MATK: variants seen among roughly 807,000 people sequenced by gnomAD.
The protein encoded by MATK is megakaryocyte-associated tyrosine-protein kinase.
Under a neutral mutation model 59.8 loss-of-function variants are expected in MATK, and 41 were observed. That is an observed-to-expected ratio of 0.69 (90% CI 0.53 to 0.89). The LOEUF (loss-of-function observed/expected upper bound fraction) is 0.89, where lower values mean the gene tolerates loss of function less well. MATK is among the 40% of genes least tolerant of loss of function. The probability of loss-of-function intolerance (pLI) is 0.00; values close to 1 mark genes in which losing one functional copy is unlikely to be tolerated. For missense variants in MATK, 593 were observed against 719.6 expected, an observed-to-expected ratio of 0.82 and a Z score of 2.01; for synonymous variants, 308 against 306.1, an observed-to-expected ratio of 1.01 and a Z score of -0.06.
At chr19:3,786,390 C>T (rs2037485114), upstream of MATK, 1 of 981,330 alleles carries the variant, frequency 1.0e-6, no homozygotes, top group Admixed American at 6.3e-5. This position sits in a 1 kb window ranked among gnomAD's most constrained non-coding sequence, Gnocchi z 4.1. Context: ...CTGCGGTCTC[C>T]TCCGCGCGCC....
At chr19:3,785,371 G>A (rs1428863658) in intron 1 of MATK, 85 bp from the exon 2 acceptor site, 1 of 916,298 alleles carries the variant, frequency 1.1e-6, no homozygotes, top group Non-Finnish European at 1.6e-6. Flanking sequence ...GTGGAGCTGG[G>A]GGCAGGGGCG....
chr19:3,787,958 T>C (rs1396500811), upstream of MATK, among the ~76,000 whole-genome samples: 1 of 151,210 alleles, frequency 6.6e-6, no homozygotes, highest in East Asian at 1.9e-4. Context: ...GCTGGGGGTC[T>C]CTCTGTGTTG....
In MATK at chr19:3,778,537, G is replaced by C; in HGVS notation, c.1256C>G (p.Ser419Ter). The change falls in exon 13 of 14, where the codon TCA (serine) becomes TGA (stop). Residue 419 changes from serine (S) to a stop codon, truncating the protein, a stop_gained. Transcript: ENST00000310132. LOFTEE classifies it low-confidence loss of function (END_TRUNC). ...SFGVLLWEVF[S>*]YGRAPYPKMS... is the part of the protein sequence containing the mutation. The stretch of plus-strand genomic sequence containing the variant: ...TTTAGGGTACGGAGCCCGTCCATAT[G>C]AGAAGACCTCCCAGAGCAGCACCCC... The C allele has an allele frequency of 6.2e-7, 1 of 1,613,922 alleles. No homozygotes were observed. The highest frequency in any genetic ancestry group is 8.5e-7 in the Non-Finnish European group (1 of 1,179,968).
rs769269123 is a variant in MATK, at chr19:3,779,423, C to T, written c.956G>A (p.Arg319Gln). The T allele has an allele frequency of 1.4e-5, 22 of 1,613,266 alleles. No individual in the cohort carries two copies. The highest frequency in any genetic ancestry group is 1.8e-5 in the Non-Finnish European group (21 of 1,179,998). Residue 319 changes from arginine to glutamine, a missense_variant, in exon 11 of 14, where the codon CGG becomes CAG. Physicochemically the swap from Arg to Gln is conservative, Grantham distance 43. Coordinates refer to ENST00000310132, the MANE Select transcript of MATK (RefSeq NM_139355.3). ...AGCGGTGTTCACGAGGGCTCGACCC[C>T]GGGTCCGCAGAAAGTTCACCAGGTT... The part of the protein sequence containing the change: ...KGNLVNFLRT[R>Q]GRALVNTAQL...
chr19:3,782,801 GA>G, intron 7 of MATK: 1 of 392,334 alleles, frequency 2.5e-6, no homozygotes, highest in South Asian at 3.0e-5. Flanking sequence ...GTGGGGAGGG[GA>G]GGGGAGAAGA....
upstream of MATK, among the ~76,000 whole-genome samples, chr19:3,789,681 C>T (rs2037521849): frequency 1.3e-5 from 2 of 150,834 alleles, no homozygotes; most frequent in Non-Finnish European, 2.9e-5. Flanking sequence ...GAAGGGGTAG[C>T]CTCAGGAGGG....
At chr19:3,789,375 C>A, upstream of MATK, 1 of 739,470 alleles carries the variant, frequency 1.4e-6, no homozygotes, top group Non-Finnish European at 2.6e-6. Flanking sequence ...TGCTCTAGCA[C>A]CCCATGAAGA....
At chr19:3,798,292 C>G (rs996930912) in intron 1 of MATK, among the ~76,000 whole-genome samples, 2 of 148,906 alleles carry the variant, frequency 1.3e-5, no homozygotes, top group Non-Finnish European at 3.0e-5. Flanking sequence ...TCTCTGTTGA[C>G]TAACAATTAT....
chr19:3,799,088 A>AGC (rs1019886818), intron 1 of MATK, among the ~76,000 whole-genome samples: 5 of 151,944 alleles, frequency 3.3e-5, no homozygotes, highest in African/African-American at 1.2e-4. Context: ...TACAAGCATG[A>AGC]GCCACTGCAC....
chr19:3,779,367 G>A lies in MATK; in HGVS notation c.1001+11C>T, dbSNP rs767017298. ...ACCCCAGTGCCGCAGCACCCTGAGA[G>A]TCCCACTTACAGAGAAAACTGCAGG... On this transcript the variant is annotated intron_variant, in intron 11 of 13. Transcript: ENST00000310132. The A allele has an allele frequency of 1.4e-5, 23 of 1,612,900 alleles. No individual in the cohort carries two copies. The highest frequency in any genetic ancestry group is 1.9e-5 in the Non-Finnish European group (23 of 1,179,794).
At chr19:3,783,787 C>T (rs768640581) in intron 6 of MATK, 27 bp downstream of exon 6, 106 of 1,595,064 alleles carry the variant, frequency 6.6e-5, no homozygotes, top group South Asian at 3.3e-4. Flanking sequence ...ACTGCAGGGA[C>T]GGGGTGGGGC....
chr19:3,785,761 G>C (rs72972904), intron 1 of MATK: 69,485 of 153,324 alleles, frequency 0.45, 17,407 homozygotes, highest in South Asian at 0.65. Context: ...ACCTGGGAAC[G>C]TGCGCACCTG....
intron 5 of MATK, 38 bp downstream of exon 5, chr19:3,784,086 G>T (rs780166473): frequency 1.3e-6 from 2 of 1,588,536 alleles, no homozygotes; most frequent in Admixed American, 1.7e-5. Context: ...GGGGTCACTT[G>T]CTGTCCCCTA....
At chr19:3,789,491 G>T, upstream of MATK, 1 of 561,576 alleles carries the variant, frequency 1.8e-6, no homozygotes, top group Middle Eastern at 3.8e-4. Flanking sequence ...AATAATAAGG[G>T]GAACCAAGGT....
At chr19:3,795,468 A>C (rs1446365014) in intron 1 of MATK, among the ~76,000 whole-genome samples, 1 of 151,558 alleles carries the variant, frequency 6.6e-6, no homozygotes, top group African/African-American at 2.4e-5. Context: ...GATGGGTTTC[A>C]TGTTGGCCAG....
At chr19:3,788,689 G>T (rs1049638810), upstream of MATK, among the ~76,000 whole-genome samples, 1 of 150,114 alleles carries the variant, frequency 6.7e-6, no homozygotes, top group Admixed American at 6.7e-5. Context: ...TCAAATTTCT[G>T]CACTCAAACG....
chr19:3,783,092 G>A (rs755847009), intron 7 of MATK, 34 bp downstream of exon 7: 1 of 1,605,726 alleles, frequency 6.2e-7, no homozygotes, highest in Admixed American at 1.7e-5. Flanking sequence ...AACGTGGGTA[G>A]GGAAGGGGGT....
At chr19:3,790,544 A>G (rs1421011936), upstream of MATK, among the ~76,000 whole-genome samples, 2 of 152,156 alleles carry the variant, frequency 1.3e-5, no homozygotes, top group South Asian at 2.1e-4. Flanking sequence ...AGAGCCTAAA[A>G]TGCTCAGCCT....
At position 3,797,675 on chromosome 19, in the gene MATK, G is replaced by A. The variant is rs895782966; in HGVS notation, c.-58+3857C>T. On this transcript the variant is annotated intron_variant, in intron 1 of 13. Transcript: ENST00000395045. Reference sequence around the variant, plus strand: ...AACTTGGCTGTGTGTGGTGGCTCACGGAGCTCAGGAGTTTGAGACCAGCCT... The same window carrying A: ...AACTTGGCTGTGTGTGGTGGCTCACAGAGCTCAGGAGTTTGAGACCAGCCT... Among the ~76,000 whole-genome samples, 56 of 152,034 alleles carry A rather than the reference G, an allele frequency of 3.7e-4. 1 individual carries two copies. Among genetic ancestry groups the A allele is most frequent in the East Asian group, 5.8e-4 (3 of 5,148 alleles).
Sources: allele counts gnomAD v4.1 joint callset (sites outside exome capture counted in the v4.1 genomes callset), GRCh38; gene constraint gnomAD v4.1.1; non-coding constraint Gnocchi (gnomAD v3.1); transcripts MANE v1.5; gene names NCBI Gene and HGNC (gene_info 2026-07-23, HGNC 2026-07-21).